The following PELP1 variants were observed in gnomAD, a reference collection of about 807,000 sequenced individuals.
PELP1 encodes proline, glutamate and leucine rich protein 1.
PELP1 carries 32 observed loss-of-function variants against 95.5 expected under a neutral mutation model. The ratio of observed to expected loss-of-function variants is 0.34; its 90% CI spans 0.25 to 0.45. PELP1 has a LOEUF of 0.45. Among genes scored for constraint, PELP1 ranks in the 20% least tolerant of loss-of-function variants. PELP1 has a pLI of 1.00. For synonymous variants in PELP1, 668 were observed against 600.1 expected, an observed-to-expected ratio of 1.11 and a Z score of -1.65; for missense variants, 1,358 against 1,444.8, an observed-to-expected ratio of 0.94 and a Z score of 0.97.
In PELP1 at chr17:4,671,709, G is replaced by A. The variant is rs372694155; in HGVS notation, c.3282C>T (p.Ala1094=). ...CTCTCACCTTTTCCTGGAGAGCTTC[G>A]GCCTCTGTCTCTGTCTCCATCTCTT... ...AEEEMETETE[A]EALQEKEQDD... The change falls in exon 16 of 17, where the codon GCC becomes GCT. Residue 1094 remains alanine, a synonymous_variant. Transcript: ENST00000572293. 456 of 1,559,230 alleles carry A rather than the reference G, an allele frequency of 2.9e-4. 1 individual carries two copies. The highest frequency in any genetic ancestry group is 3.7e-4 in the Non-Finnish European group (428 of 1,157,752).
intron 5 of PELP1, among the ~76,000 whole-genome samples, chr17:4,680,434 C>G (rs920329067): frequency 6.6e-6 from 1 of 152,126 alleles, no homozygotes; most frequent in Non-Finnish European, 1.5e-5. Flanking sequence ...CACACCGCCA[C>G]GCCTGGCTAA....
Position 4,675,152 on chromosome 17 carries a change from G to T in PELP1, c.1201C>A (p.Leu401Met). Residue 401 changes from leucine (L) to methionine (M), a missense_variant, in exon 11 of 17, where the codon CTG becomes ATG. By Grantham distance (15) the Leu-to-Met change is conservative (BLOSUM62 2). Transcript: ENST00000572293. This position sits in a 1 kb window ranked among gnomAD's most constrained non-coding sequence, Gnocchi z 4.3. ...CAGGAATTGAGGACCTGGGGAAGCAGGCGGCCGATCAGGATCCCAAAGCGC... is the reference window on the plus strand; with the variant it reads ...CAGGAATTGAGGACCTGGGGAAGCATGCGGCCGATCAGGATCCCAAAGCGC... ...LLRFGILIGRLLPQVLNSWSI... is the reference protein window; with the variant it reads ...LLRFGILIGRMLPQVLNSWSI... 1 of 1,613,902 alleles carries T rather than the reference G, an allele frequency of 6.2e-7. No individual in the cohort carries two copies. The highest frequency in any genetic ancestry group is 8.5e-7 in the Non-Finnish European group (1 of 1,179,874).
chr17:4,686,109 A>G (rs1322452131), intron 3 of PELP1, among the ~76,000 whole-genome samples: 7 of 152,050 alleles, frequency 4.6e-5, no homozygotes, highest in Admixed American at 3.9e-4. Flanking sequence ...AAAAAAGCCA[A>G]CTAAAGCCTC....
At chr17:4,696,120 G>A (rs1913287611) in intron 1 of PELP1, among the ~76,000 whole-genome samples, 1 of 151,686 alleles carries the variant, frequency 6.6e-6, no homozygotes, top group Admixed American at 6.6e-5. Flanking sequence ...TTGAGCCCAG[G>A]AGGTCAAGAT....
At chr17:4,689,016 C>T (rs1283117373) in intron 3 of PELP1, among the ~76,000 whole-genome samples, 2 of 152,172 alleles carry the variant, frequency 1.3e-5, no homozygotes, top group Non-Finnish European at 2.9e-5. Context: ...ACCAATGGAA[C>T]AGAAGGGAGA....
chr17:4,694,241 G>A (rs2150564320), intron 1 of PELP1, among the ~76,000 whole-genome samples: 2 of 152,230 alleles, frequency 1.3e-5, no homozygotes, highest in East Asian at 3.9e-4. Context: ...CAATGGGAAT[G>A]ACTGTAAGTG....
chr17:4,700,224 T>G (rs1913469297), intron 1 of PELP1, among the ~76,000 whole-genome samples: 1 of 152,116 alleles, frequency 6.6e-6, no homozygotes, highest in South Asian at 2.1e-4. Flanking sequence ...GTTTTGAGCC[T>G]GTATGCTGAT....
rs1912141316 is a variant in PELP1 at position 4,670,163 on chromosome 17, T to C, written c.*1276A>G. 1 of 152,210 alleles carries C rather than the reference T, an allele frequency of 6.6e-6. No homozygotes were observed. Among genetic ancestry groups the C allele is most frequent in the African/African-American group, 2.4e-5 (1 of 41,448 alleles). The allele number at this position is 152,210 out of a possible 1,614,324, so 9.4% of individuals were successfully genotyped here. On this transcript the variant is annotated 3_prime_UTR_variant, in exon 17 of 17. Transcript: ENST00000572293. ...CGAAAACAAGTTGAGGGGTAACTTTTTAAAATCCTACTGAAGTTTCCAAAA... is the reference window on the plus strand; with the variant it reads ...CGAAAACAAGTTGAGGGGTAACTTTCTAAAATCCTACTGAAGTTTCCAAAA...
At position 4,672,357 on chromosome 17, in the gene PELP1, C is replaced by T. The variant is rs1368812377; in HGVS notation, c.2634G>A (p.Leu878=). The T allele has an allele frequency of 4.5e-6, 7 of 1,553,464 alleles. No homozygotes were observed. The highest frequency in any genetic ancestry group is 6.1e-6 in the Non-Finnish European group (7 of 1,148,110). The change falls in exon 16 of 17, where the codon TTG becomes TTA. Residue 878 remains leucine, a synonymous_variant. Transcript: ENST00000572293. ...CACTGCTGTTGATATTAATAACTGT[C>T]AAATCCTCTTCCAGGGCTGGGGGTC... ...GGGPPALEED[L]TVININSSDE...
chr17:4,700,667 G>A (rs953010952), intron 1 of PELP1, among the ~76,000 whole-genome samples: 7 of 152,060 alleles, frequency 4.6e-5, no homozygotes, highest in African/African-American at 1.7e-4. Flanking sequence ...GTTCACCTCT[G>A]TAATCCCAGG....
At chr17:4,700,839 T>C (rs1338883941) in intron 1 of PELP1, among the ~76,000 whole-genome samples, 1 of 150,040 alleles carries the variant, frequency 6.7e-6, no homozygotes, top group East Asian at 2.0e-4. Context: ...GTGGAAGGAT[T>C]ACTTGAACCT....
rs1912173388 is a variant in PELP1 at position 4,671,014 on chromosome 17, A to C, written c.*425T>G. 5.2e-6 allele frequency: 1 copy of C among 191,708 alleles called. No individual in the cohort carries two copies. The highest frequency in any genetic ancestry group is 6.1e-5 in the Admixed American group (1 of 16,516). 11.9% of individuals were successfully genotyped at this position (191,708 alleles called of 1,614,324 possible). On this transcript the variant is annotated 3_prime_UTR_variant, in exon 17 of 17. Coordinates refer to ENST00000572293, the MANE Select transcript of PELP1 (RefSeq NM_014389.3). ...ATCACTCAGCCTGCCCTTTCAGACC[A>C]AGGGGCTGAGCACGCATGCGTGTGG...
At chr17:4,686,817 C>T (rs967149360) in intron 3 of PELP1, among the ~76,000 whole-genome samples, 1 of 152,160 alleles carries the variant, frequency 6.6e-6, no homozygotes, top group Non-Finnish European at 1.5e-5. Flanking sequence ...CACGCCTGGC[C>T]TCAGAGAGAT....
At position 4,672,104 on chromosome 17, in the gene PELP1, G is replaced by T; in HGVS notation, c.2887C>A (p.Leu963Met). The change falls in exon 16 of 17, where the codon CTG becomes ATG. Residue 963 changes from leucine (L) to methionine (M), a missense_variant. Coordinates refer to ENST00000572293, the MANE Select transcript of PELP1 (RefSeq NM_014389.3). ...TCCCCTCCTGCTGTGCCAAACTCCAGGTCTTCCACCTCTTCCAGTTCTTCT... is the reference window on the plus strand; with the variant it reads ...TCCCCTCCTGCTGTGCCAAACTCCATGTCTTCCACCTCTTCCAGTTCTTCT... ...EEEELEEVED[L>M]EFGTAGGEVE... The T allele has an allele frequency of 1.3e-6, 2 of 1,553,936 alleles. No homozygotes were observed. Among genetic ancestry groups the T allele is most frequent in the Non-Finnish European group, 1.7e-6 (2 of 1,148,266 alleles).
chr17:4,676,641 C>T (rs183666352), intron 6 of PELP1, 112 bp downstream of exon 6: 3 of 1,383,952 alleles, frequency 2.2e-6, no homozygotes, highest in South Asian at 1.2e-5. Context: ...ACAATGAGGC[C>T]GAAGGACACA....
At chr17:4,697,921 C>G (rs7219950) in intron 1 of PELP1, among the ~76,000 whole-genome samples, 148,259 of 151,646 alleles carry the variant, frequency 0.98, 72,555 homozygotes, top group Middle Eastern at 1. Flanking sequence ...ACCTTTATAA[C>G]AGTGAAGAAA....
chr17:4,676,128 C>T lies in PELP1; in HGVS notation c.888G>A (p.Met296Ile), dbSNP rs376738265. 113 of 1,613,886 alleles carry T rather than the reference C, an allele frequency of 7.0e-5. No individual in the cohort carries two copies. The highest frequency in any genetic ancestry group is 9.2e-5 in the Non-Finnish European group (109 of 1,179,908). The change falls in exon 8 of 17, where the codon ATG becomes ATA. Residue 296 changes from methionine (M) to isoleucine (I), a missense_variant. Physicochemically the swap from Met to Ile is conservative, Grantham distance 10. This residue lies in a region of PELP1 where 538 missense variants were observed against 628.1 expected (regional missense o/e 0.86). Transcript: ENST00000572293. ...PVQNEGPGVEMLLSSEDGDAH... is the reference protein window; with the variant it reads ...PVQNEGPGVEILLSSEDGDAH... ...CATCACCATCTTCTGAGGACAGCAG[C>T]ATCTCCACCCCAGGGCCTTCATTCT...
At position 4,695,667 on chromosome 17, in the gene PELP1, T is replaced by TA. The variant is rs71147081; in HGVS notation, c.250-4226dup. Among the ~76,000 whole-genome samples, 191 of 62,582 alleles carry TA rather than the reference T, an allele frequency of 3.1e-3. 5 individuals carry two copies. Among genetic ancestry groups the TA allele is most frequent in the African/African-American group, 9.0e-3 (164 of 18,292 alleles). The allele number at this position is 62,582 out of a possible 152,430, so 41.1% of individuals were successfully genotyped here. The stretch of plus-strand genomic sequence containing the variant: ...GGCAAAAGAGTGAGACCCTCTCTCT[T>TA]AAAAAAAAAAAAAAAAAAAAAAAAA... On this transcript the variant is annotated intron_variant, in intron 1 of 16. Coordinates refer to ENST00000572293, the MANE Select transcript of PELP1 (RefSeq NM_014389.3).
chr17:4,699,021 G>C (rs962466538), intron 1 of PELP1, among the ~76,000 whole-genome samples: 8 of 152,102 alleles, frequency 5.3e-5, no homozygotes, highest in African/African-American at 1.9e-4. Context: ...GTGCATTTAT[G>C]TTATTCTCAG....
Sources: gnomAD v4.1 joint callset for allele counts (sites outside exome capture counted in the v4.1 genomes callset) on GRCh38, gnomAD v4.1.1 for gene constraint, gnomAD v4.1.1 regional missense constraint, Gnocchi (gnomAD v3.1) non-coding constraint, MANE v1.5 for transcripts, NCBI Gene and HGNC (gene_info 2026-07-23, HGNC 2026-07-21) for gene names.